Variants in PPP2R3A observed in about 807,000 individuals in gnomAD.
PPP2R3A encodes protein phosphatase 2 regulatory subunit B''alpha.
A neutral mutation model predicts 106.9 loss-of-function variants in PPP2R3A; 80 were observed. The ratio of observed to expected loss-of-function variants is 0.75; its 90% CI spans 0.62 to 0.90. The LOEUF is 0.90. Ranked by LOEUF, PPP2R3A falls within the 40% of genes least tolerant of loss-of-function variation. PPP2R3A has a pLI of 0.00. For synonymous variants in PPP2R3A, 483 were observed against 468.3 expected, an observed-to-expected ratio of 1.03 and a Z score of -0.41; for missense variants, 1,386 against 1,350.4, an observed-to-expected ratio of 1.03 and a Z score of -0.41.
intron 1 of PPP2R3A, among the ~76,000 whole-genome samples, chr3:135,967,263 G>GT (rs1481667477): frequency 1.3e-5 from 2 of 152,076 alleles, no homozygotes; most frequent in Non-Finnish European, 2.9e-5. Context: ...GATCAAAAAG[G>GT]TTTTTAAAAA....
intron 5 of PPP2R3A, among the ~76,000 whole-genome samples, chr3:136,056,713 A>G (rs1935874757): frequency 6.6e-6 from 1 of 152,158 alleles, no homozygotes; most frequent in African/African-American, 2.4e-5. Context: ...CACAAAGGAA[A>G]AAATAGACAA....
chr3:136,030,569 A>G (rs1934835491), intron 3 of PPP2R3A, among the ~76,000 whole-genome samples: 1 of 151,712 alleles, frequency 6.6e-6, no homozygotes, highest in South Asian at 2.1e-4. Context: ...TTTACCCCTT[A>G]GTCCCCAAAG....
intron 11 of PPP2R3A, among the ~76,000 whole-genome samples, chr3:136,102,545 C>T (rs1367602626): frequency 2.6e-5 from 4 of 151,900 alleles, no homozygotes; most frequent in African/African-American, 9.7e-5. Flanking sequence ...TGGGGTTTCA[C>T]CATGTTGGCC....
At chr3:136,012,817 G>GT (rs1934128919) in intron 2 of PPP2R3A, among the ~76,000 whole-genome samples, 1 of 152,064 alleles carries the variant, frequency 6.6e-6, no homozygotes, top group Non-Finnish European at 1.5e-5. Context: ...ATTTCAATAG[G>GT]TTTTGGGGGC....
chr3:136,097,600 G>A (rs1355302530), intron 10 of PPP2R3A, among the ~76,000 whole-genome samples: 1 of 152,168 alleles, frequency 6.6e-6, no homozygotes, highest in Non-Finnish European at 1.5e-5. Context: ...AATTGAAAAT[G>A]CAAGTAATTA....
At chr3:136,112,156 G>A (rs1362714641) in intron 13 of PPP2R3A, among the ~76,000 whole-genome samples, 2 of 152,048 alleles carry the variant, frequency 1.3e-5, no homozygotes, top group African/African-American at 4.8e-5. Context: ...AATAATAAGG[G>A]CCATCTATGA....
intron 13 of PPP2R3A, among the ~76,000 whole-genome samples, chr3:136,110,197 A>G (rs146607098): frequency 3.9e-5 from 6 of 152,316 alleles, no homozygotes; most frequent in East Asian, 1.9e-4. Flanking sequence ...TCTGTTCTCA[A>G]CTACTTAAAA....
At chr3:136,025,336 C>T (rs1172586225) in intron 2 of PPP2R3A, among the ~76,000 whole-genome samples, 1 of 152,008 alleles carries the variant, frequency 6.6e-6, no homozygotes, top group Admixed American at 6.6e-5. Context: ...TATCACTTCC[C>T]TTTGTTCTGT....
At chr3:136,057,084 A>T (rs1435635574) in intron 5 of PPP2R3A, among the ~76,000 whole-genome samples, 1 of 148,296 alleles carries the variant, frequency 6.7e-6, no homozygotes, top group Non-Finnish European at 1.5e-5. Flanking sequence ...CCCCACACAC[A>T]CCGTTGGTGG....
chr3:136,127,708 T>C (rs1306048783), intron 13 of PPP2R3A, among the ~76,000 whole-genome samples: 2 of 152,058 alleles, frequency 1.3e-5, no homozygotes, highest in African/African-American at 4.8e-5. Context: ...AGACACATAA[T>C]TGTCAGATTC....
chr3:136,001,045 T>C lies in PPP2R3A; in HGVS notation c.-440-14T>C. The C allele has an allele frequency of 2.5e-6, 1 of 397,814 alleles. No individual in the cohort carries two copies. Among genetic ancestry groups the C allele is most frequent in the Non-Finnish European group, 4.4e-6 (1 of 225,658 alleles). 24.6% of individuals were successfully genotyped at this position (397,814 alleles called of 1,614,324 possible). On this transcript the variant is annotated splice_polypyrimidine_tract_variant and intron_variant, in intron 1 of 13. Coordinates refer to ENST00000264977, the MANE Select transcript of PPP2R3A (RefSeq NM_002718.5). Reference sequence around the variant, plus strand: ...ATTAAAAAAATTTCCTTTTAATTTTTTTTTTTATTACAGGTTTCTCTGTCA... The same window carrying C: ...ATTAAAAAAATTTCCTTTTAATTTTCTTTTTTATTACAGGTTTCTCTGTCA...
intron 1 of PPP2R3A, among the ~76,000 whole-genome samples, chr3:135,971,078 G>A (rs990137651): frequency 3.9e-5 from 6 of 152,156 alleles, no homozygotes; most frequent in Admixed American, 2.6e-4. Context: ...GGCTATGTTA[G>A]GGAATGTGTA....
chr3:136,010,874 C>T (rs539132473), intron 2 of PPP2R3A, among the ~76,000 whole-genome samples: 5 of 152,284 alleles, frequency 3.3e-5, no homozygotes, highest in African/African-American at 1.2e-4. Flanking sequence ...ACTCCTTCAG[C>T]AGATAAACAT....
Position 136,037,829 on chromosome 3 carries a change from C to T in PPP2R3A, c.2263-3030C>T, listed in dbSNP as rs115569607. Among the ~76,000 whole-genome samples the T allele has an allele frequency of 2.5e-3, 375 of 152,160 alleles. 2 individuals are homozygous for T. The highest frequency in any genetic ancestry group is 8.8e-3 in the African/African-American group (367 of 41,528). ...GTAGGTGTTGATCAAGTTTTCTTTG[C>T]TCCAGAACTTTGATTACCATATATT... On this transcript the variant is annotated intron_variant, in intron 3 of 13. Coordinates refer to ENST00000264977, the MANE Select transcript of PPP2R3A (RefSeq NM_002718.5).
rs1040553328 is a variant in PPP2R3A at position 136,147,530 on chromosome 3, G to T, written c.*2364G>T. The T allele has an allele frequency of 2.6e-5, 4 of 152,550 alleles. No individual in the cohort carries two copies. The highest frequency in any genetic ancestry group is 9.7e-5 in the African/African-American group (4 of 41,410). The allele number at this position is 152,550 out of a possible 1,614,324, so 9.4% of individuals were successfully genotyped here. A position where few individuals can be genotyped will look rare whatever the true frequency, so the allele number is the denominator to read the frequency against. On this transcript the variant is annotated 3_prime_UTR_variant, in exon 14 of 14. Coordinates refer to ENST00000264977, the MANE Select transcript of PPP2R3A (RefSeq NM_002718.5). Reference sequence around the variant, plus strand: ...GGAATGTGAATTCTGAGGAATTAAGGTAGAATATATTTGACTTTCTGGTAA... The same window carrying T: ...GGAATGTGAATTCTGAGGAATTAAGTTAGAATATATTTGACTTTCTGGTAA...
chr3:136,017,309 G>A (rs1934312449), intron 2 of PPP2R3A, among the ~76,000 whole-genome samples: 1 of 152,124 alleles, frequency 6.6e-6, no homozygotes, highest in African/African-American at 2.4e-5. Flanking sequence ...TGATCTTTTT[G>A]CAATGAATTT....
intron 6 of PPP2R3A, among the ~76,000 whole-genome samples, chr3:136,071,937 T>A (rs1047581334): frequency 2.7e-4 from 41 of 152,290 alleles, no homozygotes; most frequent in African/African-American, 9.9e-4. Flanking sequence ...CATCCAGATA[T>A]CTGCTCGGTT....
intron 3 of PPP2R3A, among the ~76,000 whole-genome samples, chr3:136,034,521 T>G (rs1394526838): frequency 1.3e-5 from 2 of 152,198 alleles, no homozygotes; most frequent in Non-Finnish European, 2.9e-5. Flanking sequence ...TTCCATGTAT[T>G]TGCATGGTTT....
At chr3:136,025,506 G>A (rs1934615639) in intron 2 of PPP2R3A, among the ~76,000 whole-genome samples, 1 of 151,830 alleles carries the variant, frequency 6.6e-6, no homozygotes, top group Non-Finnish European at 1.5e-5. Context: ...GGGCTATTAT[G>A]ACAAAAATAG....
Sources: gnomAD v4.1 joint callset for allele counts (sites outside exome capture counted in the v4.1 genomes callset) on GRCh38, gnomAD v4.1.1 for gene constraint, MANE v1.5 for transcripts, NCBI Gene and HGNC (gene_info 2026-07-23, HGNC 2026-07-21) for gene names.